FARP1: variants seen among roughly 807,000 people sequenced by gnomAD.
FARP1 encodes FERM, ARHGEF and pleckstrin domain-containing protein 1.
In FARP1, 52 loss-of-function variants were observed where a neutral mutation model predicts 128.8. That is an observed-to-expected ratio of 0.40 (90% CI 0.32 to 0.51). The LOEUF is 0.51. Ranked by LOEUF, FARP1 falls within the 20% of genes least tolerant of loss-of-function variation. The probability of loss-of-function intolerance (pLI) is 0.45; values close to 1 mark genes in which losing one functional copy is unlikely to be tolerated. For synonymous variants in FARP1, 580 were observed against 551.8 expected (o/e 1.05, Z -0.72); for missense variants, 1,333 against 1,367.9 (o/e 0.97, Z 0.40).
At chr13:98,150,292 A>G (rs893758489) in intron 1 of FARP1, among the ~76,000 whole-genome samples, 2 of 152,152 alleles carry the variant, frequency 1.3e-5, no homozygotes, top group African/African-American at 4.8e-5. Context: ...CGGCTTCCCA[A>G]AGTGCTGGGA....
chr13:98,262,716 T>G (rs1304284407), intron 2 of FARP1, among the ~76,000 whole-genome samples: 2 of 152,180 alleles, frequency 1.3e-5, no homozygotes, highest in East Asian at 3.9e-4. Context: ...TGACTTTTAG[T>G]TGAAAATTTT....
intron 17 of FARP1, among the ~76,000 whole-genome samples, chr13:98,426,738 T>C (rs1891804446): frequency 6.6e-6 from 1 of 152,190 alleles, no homozygotes; most frequent in Admixed American, 6.5e-5. Context: ...TGATCAGGGT[T>C]GCAGAATGCT....
At chr13:98,192,308 T>C (rs1180612486) in intron 1 of FARP1, among the ~76,000 whole-genome samples, 1 of 152,186 alleles carries the variant, frequency 6.6e-6, no homozygotes, top group Admixed American at 6.5e-5. Context: ...TGACAAATTA[T>C]GGGTATTTAT....
intron 1 of FARP1, among the ~76,000 whole-genome samples, chr13:98,178,159 A>G (rs967632837): frequency 1.5e-4 from 23 of 151,794 alleles, no homozygotes; most frequent in African/African-American, 5.6e-4. Context: ...TCCACACGCC[A>G]ATTCCTGGTA....
At chr13:98,408,312 G>A (rs1891053846) in intron 13 of FARP1, among the ~76,000 whole-genome samples, 1 of 146,640 alleles carries the variant, frequency 6.8e-6, no homozygotes, top group Admixed American at 7.0e-5. Flanking sequence ...CTCATAGCGG[G>A]TAATATATAC....
Position 98,340,843 on chromosome 13 carries a change from G to A in FARP1, c.172-2919G>A, listed in dbSNP as rs9989116. ...AAATGCTTGTCTGACCCTGTGTGTC[G>A]GAAACAGGGCACATTGCTGTAGCAA... On this transcript the variant is annotated intron_variant, in intron 2 of 26. Coordinates refer to ENST00000319562, the MANE Select transcript of FARP1 (RefSeq NM_005766.4). 1,437 of 152,244 alleles carry A rather than the reference G, an allele frequency of 9.4e-3. 24 individuals are homozygous for A. Among genetic ancestry groups the A allele is most frequent in the African/African-American group, 0.032 (1,313 of 41,524 alleles). The allele number at this position is 152,244 out of a possible 1,614,324, so 9.4% of individuals were successfully genotyped here.
At chr13:98,411,757 C>G (rs2140119976) in intron 15 of FARP1, 144 bp from the exon 16 acceptor site, 4 of 809,892 alleles carry the variant, frequency 4.9e-6, no homozygotes, top group Non-Finnish European at 2.0e-6. Context: ...GCCCGGGCAG[C>G]CCCGTGTTCC....
chr13:98,394,807 G>A (rs912016773), intron 12 of FARP1, among the ~76,000 whole-genome samples: 23 of 152,098 alleles, frequency 1.5e-4, no homozygotes, highest in African/African-American at 5.6e-4. Flanking sequence ...ACATGGTGGC[G>A]CAGGACTGTG....
intron 3 of FARP1, among the ~76,000 whole-genome samples, chr13:98,349,656 C>T (rs1022883389): frequency 1.8e-5 from 2 of 110,856 alleles, no homozygotes; most frequent in African/African-American, 7.0e-5. Context: ...GGCGACAGAG[C>T]AAGACCCATC....
intron 17 of FARP1, among the ~76,000 whole-genome samples, chr13:98,430,093 T>C (rs543935929): frequency 2.6e-5 from 4 of 151,190 alleles, no homozygotes; most frequent in Non-Finnish European, 4.4e-5. Flanking sequence ...AAATAAATAA[T>C]TTTTTTTTAA....
chr13:98,444,174 C>T (rs999489266), intron 24 of FARP1, among the ~76,000 whole-genome samples: 4 of 152,142 alleles, frequency 2.6e-5, no homozygotes, highest in Non-Finnish European at 4.4e-5. Flanking sequence ...AGCTGTCCTC[C>T]CTGTATCTGC....
intron 2 of FARP1, among the ~76,000 whole-genome samples, chr13:98,277,471 T>C (rs1286569651): frequency 6.6e-6 from 1 of 152,204 alleles, no homozygotes; most frequent in Non-Finnish European, 1.5e-5. Flanking sequence ...GAAAGAAATA[T>C]ATTAATTAAC....
chr13:98,317,582 G>C (rs7334870), intron 2 of FARP1, among the ~76,000 whole-genome samples: 27,625 of 152,238 alleles, frequency 0.18, 3,123 homozygotes, highest in Non-Finnish European at 0.26. Context: ...CTATCCACTT[G>C]TTATCCAAAG....
Position 98,390,118 on chromosome 13 carries a change from CAGGTG to C in FARP1, c.1019+3_1019+7del. 1 of 1,612,424 alleles carries C rather than the reference CAGGTG, an allele frequency of 6.2e-7. No individual in the cohort carries two copies. The highest frequency in any genetic ancestry group is 8.5e-7 in the Non-Finnish European group (1 of 1,179,442). On this transcript the variant is annotated splice_donor_variant and splice_donor_region_variant and coding_sequence_variant and intron_variant, in exon 10 of 27. Coordinates refer to ENST00000319562, the MANE Select transcript of FARP1 (RefSeq NM_005766.4). LOFTEE classifies it high-confidence loss of function. Reference sequence around the variant, plus strand: ...TTAGCCGGGGGTCATCATTTCGGTTCAGGTGAGGTCGCCACTTTGTGCCTCTGTTT... The same window carrying C: ...TTAGCCGGGGGTCATCATTTCGGTTCAGGTCGCCACTTTGTGCCTCTGTTT...
intron 1 of FARP1, among the ~76,000 whole-genome samples, chr13:98,206,840 T>A (rs1049232799): frequency 1.2e-4 from 19 of 152,234 alleles, no homozygotes; most frequent in African/African-American, 4.3e-4. Flanking sequence ...TCTGGAATAA[T>A]CACTTTAGTA....
At position 98,453,236 on chromosome 13, in the gene FARP1, C is replaced by A; in HGVS notation, c.*4919C>A. On this transcript the variant is annotated 3_prime_UTR_variant, in exon 27 of 27. Transcript: ENST00000319562. ...TAGGGAAAAAGAGAGAGAGAGAAGT[C>A]AACACATGTCATTTCTCATCCCTGT... The A allele has an allele frequency of 6.2e-7, 1 of 1,607,748 alleles. No individual in the cohort carries two copies. The highest frequency in any genetic ancestry group is 1.1e-5 in the South Asian group (1 of 90,324).
intron 6 of FARP1, among the ~76,000 whole-genome samples, chr13:98,382,932 G>A (rs111243580): frequency 6.6e-5 from 10 of 152,306 alleles, no homozygotes; most frequent in South Asian, 2.1e-4. Context: ...GGTAAGCATC[G>A]TTCAGGCATG....
At chr13:98,428,943 A>G (rs1183866308) in intron 17 of FARP1, among the ~76,000 whole-genome samples, 3 of 152,228 alleles carry the variant, frequency 2.0e-5, no homozygotes, top group Non-Finnish European at 2.9e-5. Flanking sequence ...CACATGCAAG[A>G]GCGTGTATAA....
chr13:98,256,386 G>T (rs1324191795), intron 2 of FARP1, among the ~76,000 whole-genome samples: 2 of 152,104 alleles, frequency 1.3e-5, no homozygotes, highest in South Asian at 2.1e-4. Context: ...CAGAGGCAGG[G>T]GAGAGGGGAA....
Sources: gnomAD v4.1 joint callset for allele counts (sites outside exome capture counted in the v4.1 genomes callset) on GRCh38, gnomAD v4.1.1 for gene constraint, MANE v1.5 for transcripts, NCBI Gene and HGNC (gene_info 2026-07-23, HGNC 2026-07-21) for gene names.